ZFX: variants seen among roughly 807,000 people sequenced by gnomAD.
The protein encoded by ZFX is zinc finger X-chromosomal protein.
For missense variants in ZFX, 362 were observed against 628.3 expected, an observed-to-expected ratio of 0.58 and a Z score of 4.53; for synonymous variants, 196 against 226.8, an observed-to-expected ratio of 0.86 and a Z score of 1.22.
chrX:24,200,887 A>C (rs1937250691), intron 5 of ZFX, among the ~76,000 whole-genome samples: 1 of 112,380 alleles, frequency 8.9e-6, no homozygotes, highest in Non-Finnish European at 1.9e-5. Context: ...AGAAATGCTA[A>C]GGATATTACA....
At chrX:24,207,290 C>G in intron 5 of ZFX, 36 bp from the exon 6 acceptor site, 4 of 780,434 alleles carry the variant, frequency 5.1e-6, no homozygotes, top group Non-Finnish European at 5.5e-6. Context: ...ATTTAAATAT[C>G]TGTTACTATT....
chrX:24,171,681 T>C (rs1934611535), intron 3 of ZFX, among the ~76,000 whole-genome samples: 1 of 111,323 alleles, frequency 9.0e-6, no homozygotes. Context: ...TCAGAAGTTT[T>C]TGGCTTAAGT....
intron 5 of ZFX, among the ~76,000 whole-genome samples, chrX:24,189,775 G>A (rs1048247467): frequency 9.0e-6 from 1 of 110,718 alleles, no homozygotes; most frequent in Non-Finnish European, 1.9e-5. Context: ...AACTCTGAGG[G>A]TCAACACATC....
chrX:24,187,783 T>C (rs970641170), intron 5 of ZFX, among the ~76,000 whole-genome samples: 25 of 111,609 alleles, frequency 2.2e-4, no homozygotes, highest in African/African-American at 8.1e-4. Context: ...CCTGGCTTTT[T>C]AAGTTCACAG....
rs1462909993 is a variant in ZFX at position 24,207,849 on chromosome X, G to A, written c.934G>A (p.Asp312Asn). Residue 312 changes from aspartate to asparagine, a missense_variant, in exon 7 of 10, where the codon GAT (aspartate) becomes AAT (asparagine). Transcript: ENST00000304543. ...TVNDSQPEDE[D>N]LNVAEIADEV... ...CAATGACTCTCAGCCAGAAGATGAA[G>A]ATTTAAGTAAGTAGGTGGCCTTTTT... is the stretch of plus-strand genomic sequence containing the variant. 1 of 1,209,147 alleles carries A rather than the reference G, an allele frequency of 8.3e-7. No homozygotes were observed. Among genetic ancestry groups the A allele is most frequent in the Non-Finnish European group, 1.1e-6 (1 of 894,980 alleles).
At position 24,215,295 on chromosome X, in the gene ZFX, C is replaced by A. The variant is rs1230842360; in HGVS notation, c.*3919C>A. ...TTAATAATTTCATTTCCCACAAATT[C>A]TAGCATTCATGTAAGGAAAAACATG... On this transcript the variant is annotated 3_prime_UTR_variant, in exon 10 of 10. Transcript: ENST00000304543. The A allele has an allele frequency of 9.0e-6, 1 of 110,888 alleles. No individual in the cohort carries two copies. The highest frequency in any genetic ancestry group is 1.9e-5 in the Non-Finnish European group (1 of 53,241). 9.1% of individuals were successfully genotyped at this position (110,888 alleles called of 1,213,427 possible).
In ZFX at chrX:24,210,820, A is replaced by G. The variant is rs1938030017; in HGVS notation, c.1862A>G (p.Gln621Arg). The change falls in exon 10 of 10, where the codon CAG (glutamine) becomes CGG (arginine). Residue 621 changes from glutamine to arginine, a missense_variant. Gln to Arg is a conservative substitution (Grantham distance 43, BLOSUM62 1). Coordinates refer to ENST00000304543, the MANE Select transcript of ZFX (RefSeq NM_003410.4). ...ACTTTCTCGGATACCAAAGAGGTGC[A>G]GCAACATGCTCTTATCCACCAAGAA... is the stretch of plus-strand genomic sequence containing the variant. ...LLTFSDTKEV[Q>R]QHALIHQESK... The G allele has an allele frequency of 8.3e-7, 1 of 1,210,318 alleles. No homozygotes were observed. Among genetic ancestry groups the G allele is most frequent in the African/African-American group, 1.7e-5 (1 of 57,232 alleles).
intron 5 of ZFX, among the ~76,000 whole-genome samples, chrX:24,193,427 T>G (rs1160704956): frequency 9.0e-6 from 1 of 111,542 alleles, no homozygotes; most frequent in East Asian, 2.8e-4. Flanking sequence ...TCCAGGAGAT[T>G]GGGGGAAGAA....
chrX:24,205,525 C>T lies in ZFX; in HGVS notation c.647-1801C>T, dbSNP rs755751164. Among the ~76,000 whole-genome samples, 25 of 112,250 alleles carry T rather than the reference C, an allele frequency of 2.2e-4. No homozygotes were observed. The South Asian group carries it at 9.2e-3, about 41-fold the overall frequency. On this transcript the variant is annotated intron_variant, in intron 5 of 9. Coordinates refer to ENST00000304543, the MANE Select transcript of ZFX (RefSeq NM_003410.4). ...TTTCCAGGTCCTGTGAATAACAGGA[C>T]ACTTATTTTCTTGGCTACTTTGTAA...
chrX:24,192,674 A>C (rs1418756714), intron 5 of ZFX, among the ~76,000 whole-genome samples: 1 of 111,352 alleles, frequency 9.0e-6, no homozygotes, highest in Non-Finnish European at 1.9e-5. Context: ...TTGGAGGCTG[A>C]GGCGGGAGGA....
At position 24,153,179 on chromosome X, in the gene ZFX, C is replaced by A. The variant is rs766729261; in HGVS notation, c.-29+349C>A. ...TTTGTTCTTGTGTACACTGGCAATT[C>A]CAAACTTTTTTTCACTCTTAAAACT... On this transcript the variant is annotated intron_variant, in intron 3 of 9. Transcript: ENST00000304543. Among the ~76,000 whole-genome samples the A allele has an allele frequency of 9.8e-5, 11 of 112,123 alleles. No homozygotes were observed. In the South Asian group the frequency reaches 3.7e-3, roughly 38 times the overall value.
At chrX:24,174,204 C>T (rs985568479) in intron 4 of ZFX, among the ~76,000 whole-genome samples, 9 of 109,065 alleles carry the variant, frequency 8.3e-5, no homozygotes, top group Non-Finnish European at 1.3e-4. Flanking sequence ...TAGCACGAGA[C>T]GCAGTCTCAA....
chrX:24,179,610 G>A lies in ZFX; in HGVS notation c.486G>A (p.Val162=). 2 of 1,211,993 alleles carry A rather than the reference G, an allele frequency of 1.7e-6. No homozygotes were observed. Among genetic ancestry groups the A allele is most frequent in the Non-Finnish European group, 2.2e-6 (2 of 895,620 alleles). The part of the protein sequence containing the change: ...HVEHVVHDSV[V]EAEIVTDPLT... Reference sequence around the variant, plus strand: ...AACATGTGGTTCATGATAGTGTAGTGGAAGCAGAAATTGTCACTGATCCTC... The same window carrying A: ...AACATGTGGTTCATGATAGTGTAGTAGAAGCAGAAATTGTCACTGATCCTC... Residue 162 remains valine (V), a synonymous_variant, in exon 5 of 10, where the codon GTG becomes GTA. Coordinates refer to ENST00000304543, the MANE Select transcript of ZFX (RefSeq NM_003410.4).
chrX:24,181,262 C>T (rs1179159619), intron 5 of ZFX, among the ~76,000 whole-genome samples: 1 of 112,009 alleles, frequency 8.9e-6, no homozygotes, highest in African/African-American at 3.2e-5. Context: ...TTATTGGACC[C>T]TGAATGTGTG....
In ZFX at chrX:24,211,025, G is replaced by A; in HGVS notation, c.2067G>A (p.Met689Ile). 1 of 1,212,244 alleles carries A rather than the reference G, an allele frequency of 8.2e-7. No homozygotes were observed. The highest frequency in any genetic ancestry group is 1.1e-6 in the Non-Finnish European group (1 of 895,630). Residue 689 changes from methionine to isoleucine, a missense_variant, in exon 10 of 10, where the codon ATG becomes ATA. Transcript: ENST00000304543. The part of the protein sequence containing the change: ...KHVAAHKGKK[M>I]HQCRHCDFKI... The stretch of plus-strand genomic sequence containing the variant: ...TGGCTGCCCACAAGGGCAAAAAAAT[G>A]CACCAGTGTAGACATTGTGACTTTA...
chrX:24,198,586 T>C (rs1937083215), intron 5 of ZFX, among the ~76,000 whole-genome samples: 2 of 110,650 alleles, frequency 1.8e-5, no homozygotes, highest in South Asian at 3.9e-4. Context: ...TGTTGCTTGC[T>C]TACTCTATAT....
At chrX:24,166,795 G>T (rs1934046642) in intron 3 of ZFX, among the ~76,000 whole-genome samples, 1 of 111,928 alleles carries the variant, frequency 8.9e-6, no homozygotes, top group Admixed American at 9.5e-5. Flanking sequence ...GAAAACCTCA[G>T]TGGTATGAAT....
Position 24,187,197 on chromosome X carries a change from G to A in ZFX, c.646+7427G>A, listed in dbSNP as rs778705914. 2.7e-5 allele frequency among the ~76,000 whole-genome samples: 3 copies of A among 111,819 alleles called. No homozygotes were observed. In the East Asian group the frequency reaches 8.4e-4, roughly 31 times the overall value. Reference sequence around the variant, plus strand: ...GCAGGTCTGATCATAGTGCACTGCAGCCTCGAATAATAGCTTCTCCAAGGT... The same window carrying A: ...GCAGGTCTGATCATAGTGCACTGCAACCTCGAATAATAGCTTCTCCAAGGT... On this transcript the variant is annotated intron_variant, in intron 5 of 9. Coordinates refer to ENST00000304543, the MANE Select transcript of ZFX (RefSeq NM_003410.4).
intron 3 of ZFX, among the ~76,000 whole-genome samples, chrX:24,156,350 A>G (rs761551055): frequency 5.4e-5 from 6 of 111,198 alleles, no homozygotes; most frequent in African/African-American, 1.6e-4. Flanking sequence ...AGTTTTTTTC[A>G]TTTATGGCTT....
Sources: gnomAD v4.1 joint callset for allele counts (sites outside exome capture counted in the v4.1 genomes callset) on GRCh38, gnomAD v4.1.1 for gene constraint, MANE v1.5 for transcripts, NCBI Gene and HGNC (gene_info 2026-07-23, HGNC 2026-07-21) for gene names.